The following RBMS3 variants were observed in gnomAD, a reference collection of about 807,000 sequenced individuals.
RBMS3 encodes RNA-binding motif, single-stranded-interacting protein 3.
Under a neutral mutation model 66.8 loss-of-function variants are expected in RBMS3, and 27 were observed. The observed-to-expected ratio is 0.40, with a 90% CI of 0.30 to 0.56. The LOEUF (loss-of-function observed/expected upper bound fraction) is 0.56, where lower values mean the gene tolerates loss of function less well. RBMS3 is among the 20% of genes least tolerant of loss of function. The pLI, the probability that RBMS3 is intolerant of heterozygous loss-of-function variation, is 0.40. For synonymous variants in RBMS3, 188 were observed against 183.0 expected (o/e 1.03, Z -0.22); for missense variants, 513 against 549.5 (o/e 0.93, Z 0.66).
chr3:29,554,026 T>G (rs1382033750), intron 3 of RBMS3, among the ~76,000 whole-genome samples: 1 of 152,170 alleles, frequency 6.6e-6, no homozygotes, highest in African/African-American at 2.4e-5. Flanking sequence ...ATAGATAGCA[T>G]TATAAGAAAA....
chr3:29,908,999 G>A (rs1253846995), intron 10 of RBMS3, among the ~76,000 whole-genome samples: 1 of 152,098 alleles, frequency 6.6e-6, no homozygotes, highest in Non-Finnish European at 1.5e-5. Flanking sequence ...TAAAGGATGG[G>A]TGATGTTTGT....
chr3:29,925,066 A>C (rs2149665540), intron 10 of RBMS3: 1 of 152,308 alleles, frequency 6.6e-6, no homozygotes, highest in South Asian at 2.1e-4. Context: ...AGTAGTTTTG[A>C]GGTACATGGG....
chr3:29,304,609 T>C (rs1249612670), intron 1 of RBMS3, among the ~76,000 whole-genome samples: 1 of 152,002 alleles, frequency 6.6e-6, no homozygotes, highest in Non-Finnish European at 1.5e-5. Flanking sequence ...TGTTGTAATC[T>C]GGTCACAAGT....
At chr3:29,449,322 C>T (rs1169283065) in intron 2 of RBMS3, among the ~76,000 whole-genome samples, 1 of 152,130 alleles carries the variant, frequency 6.6e-6, no homozygotes, top group South Asian at 2.1e-4. Context: ...TGTGTTATAT[C>T]CTTTCTTACT....
intron 1 of RBMS3, among the ~76,000 whole-genome samples, chr3:29,328,464 A>G (rs895053733): frequency 1.3e-5 from 2 of 152,008 alleles, no homozygotes; most frequent in African/African-American, 4.8e-5. Flanking sequence ...CACCCACCCA[A>G]CCCTTCATCC....
chr3:29,482,057 A>G (rs1239362049), intron 2 of RBMS3, among the ~76,000 whole-genome samples: 1 of 152,170 alleles, frequency 6.6e-6, no homozygotes, highest in Non-Finnish European at 1.5e-5. Flanking sequence ...TCAAGTCTAT[A>G]TTAATTGATT....
chr3:29,419,411 A>G (rs1234419719), intron 1 of RBMS3, among the ~76,000 whole-genome samples: 1 of 152,122 alleles, frequency 6.6e-6, no homozygotes, highest in African/African-American at 2.4e-5. Flanking sequence ...TATCTGTTCT[A>G]TTTTACACAT....
chr3:29,448,858 A>G (rs1433182686), intron 2 of RBMS3, among the ~76,000 whole-genome samples: 2 of 152,240 alleles, frequency 1.3e-5, no homozygotes, highest in African/African-American at 4.8e-5. Context: ...AAGAGGTTAA[A>G]CAATTTCTGA....
chr3:29,488,292 G>A, intron 2 of RBMS3, 149 bp from the exon 3 acceptor site: 2 of 590,910 alleles, frequency 3.4e-6, no homozygotes, highest in Non-Finnish European at 5.9e-6. Flanking sequence ...CTGGTGAAAG[G>A]ACATCATCCA....
intron 1 of RBMS3, among the ~76,000 whole-genome samples, chr3:29,292,822 T>A (rs77149933): frequency 0.013 from 1,954 of 151,978 alleles, 54 homozygotes; most frequent in African/African-American, 0.043. Flanking sequence ...ATTTCTGGAA[T>A]TTGACAACTT....
intron 1 of RBMS3, among the ~76,000 whole-genome samples, chr3:29,381,093 A>C (rs943291164): frequency 6.6e-6 from 1 of 151,996 alleles, no homozygotes; most frequent in Non-Finnish European, 1.5e-5. Flanking sequence ...AATTCATTTT[A>C]TTTTTTTCTT....
chr3:29,322,880 C>T (rs2035091002), intron 1 of RBMS3, among the ~76,000 whole-genome samples: 1 of 152,094 alleles, frequency 6.6e-6, no homozygotes, highest in Non-Finnish European at 1.5e-5. Context: ...CGAAGGGCTG[C>T]TTAGAACTCT....
At chr3:29,295,294 TACATATATATCTATATATATAC>T (rs1324040996) in intron 1 of RBMS3, among the ~76,000 whole-genome samples, 3 of 3,790 alleles carry the variant, frequency 7.9e-4, no homozygotes, top group Non-Finnish European at 1.1e-3. Context: ...TATATATATA[TACATATATATCTATATATATAC>T]ATATATATAT....
intron 3 of RBMS3, among the ~76,000 whole-genome samples, chr3:29,514,590 T>A (rs922235619): frequency 1.1e-4 from 16 of 147,654 alleles, no homozygotes; most frequent in Non-Finnish European, 1.9e-4. Context: ...AAGGAAGCGA[T>A]TTATCCCCAA....
intron 6 of RBMS3, among the ~76,000 whole-genome samples, chr3:29,865,992 A>G (rs951077557): frequency 2.0e-5 from 3 of 150,288 alleles, no homozygotes; most frequent in Non-Finnish European, 4.4e-5. Flanking sequence ...TAGTTGCCTC[A>G]TAGAGTTGTA....
At chr3:29,570,880 T>C (rs543461019) in intron 3 of RBMS3, among the ~76,000 whole-genome samples, 3 of 152,294 alleles carry the variant, frequency 2.0e-5, no homozygotes, top group East Asian at 3.9e-4. Flanking sequence ...GCTCTATTTT[T>C]AGTTTTTTCA....
intron 6 of RBMS3, among the ~76,000 whole-genome samples, chr3:29,866,340 G>A (rs979475338): frequency 1.3e-5 from 2 of 152,148 alleles, no homozygotes; most frequent in Non-Finnish European, 2.9e-5. Context: ...TGGGTGTAAT[G>A]TGTGTGTCTG....
intron 4 of RBMS3, among the ~76,000 whole-genome samples, chr3:29,608,560 T>C (rs773050760): frequency 1.4e-4 from 22 of 152,050 alleles, no homozygotes; most frequent in Admixed American, 7.2e-4. Flanking sequence ...TGACCAAAGA[T>C]GACAGAATAT....
At chr3:29,488,397 A>G (rs772595433) in intron 2 of RBMS3, 44 bp from the exon 3 acceptor site, 6 of 1,520,370 alleles carry the variant, frequency 3.9e-6, no homozygotes, top group South Asian at 1.1e-5. Context: ...AGTGTCTTCA[A>G]TGGGTTACAA....
Sources: allele counts gnomAD v4.1 joint callset (sites outside exome capture counted in the v4.1 genomes callset), GRCh38; gene constraint gnomAD v4.1.1; transcripts MANE v1.5; gene names NCBI Gene and HGNC (gene_info 2026-07-23, HGNC 2026-07-21).